The following NAALADL2 variants were observed in gnomAD, a reference collection of about 807,000 sequenced individuals.
NAALADL2 encodes N-acetylated alpha-linked acidic dipeptidase like 2.
In NAALADL2, 76 loss-of-function variants were observed where a neutral mutation model predicts 87.2. That is an observed-to-expected ratio of 0.87 (90% confidence interval 0.72 to 1.05). The LOEUF is 1.05. Ranked by LOEUF, NAALADL2 falls within the 50% of genes least tolerant of loss-of-function variation. The pLI is 0.00. For synonymous variants in NAALADL2, 354 were observed against 331.0 expected, an observed-to-expected ratio of 1.07 and a Z score of -0.75; for missense variants, 1,089 against 945.8, an observed-to-expected ratio of 1.15 and a Z score of -1.99.
chr3:175,712,533 T>A (rs1339881520), intron 11 of NAALADL2, among the ~76,000 whole-genome samples: 1 of 152,004 alleles, frequency 6.6e-6, no homozygotes, highest in Non-Finnish European at 1.5e-5. Context: ...GAAATCCTAG[T>A]AACTGTAATA....
In NAALADL2 at chr3:174,933,948, T is replaced by C. The variant is rs148578054; in HGVS notation, c.43+74498T>C. Among the ~76,000 whole-genome samples, 122 of 152,304 alleles carry C rather than the reference T, an allele frequency of 8.0e-4. 1 individual carries two copies. Among genetic ancestry groups the C allele is most frequent in the African/African-American group, 2.8e-3 (115 of 41,578 alleles). On this transcript the variant is annotated intron_variant, in intron 1 of 13. Transcript: ENST00000454872. ...ATTACACTTCTATGGTATGTGACTT[T>C]AGGCAGATTTCTTAACTGTTCTGAA...
rs577595300 is a variant in NAALADL2 at position 174,806,127 on chromosome 3, T to G, written c.-9+68381T>G. Among the ~76,000 whole-genome samples the G allele has an allele frequency of 3.3e-5, 5 of 152,330 alleles. 1 individual carries two copies. The East Asian group carries it at 9.7e-4, about 29-fold the overall frequency. On this transcript the variant is annotated intron_variant, in intron 3 of 3. Coordinates refer to the NAALADL2 transcript ENST00000434257. ...GGCCCTTTCTATATTATCACTAATCTTTTGTCCCTGGTTGGGCTTCTCCCA... is the reference window on the plus strand; with the variant it reads ...GGCCCTTTCTATATTATCACTAATCGTTTGTCCCTGGTTGGGCTTCTCCCA...
intron 13 of NAALADL2, among the ~76,000 whole-genome samples, chr3:175,795,409 C>T (rs1346359487): frequency 6.6e-6 from 1 of 151,942 alleles, no homozygotes; most frequent in African/African-American, 2.4e-5. Context: ...CGCGATGGCT[C>T]ATGCCTGTAA....
intron 11 of NAALADL2, among the ~76,000 whole-genome samples, chr3:175,689,633 TG>T (rs1736780532): frequency 6.6e-6 from 1 of 152,200 alleles, no homozygotes. Flanking sequence ...TAAATCCTAC[TG>T]CATCTTACGT....
intron 13 of NAALADL2, among the ~76,000 whole-genome samples, chr3:175,800,059 A>G (rs903415544): frequency 6.6e-6 from 1 of 152,154 alleles, no homozygotes; most frequent in Non-Finnish European, 1.5e-5. Context: ...CCCAGATTGC[A>G]TATTTCTCAT....
intron 3 of NAALADL2, among the ~76,000 whole-genome samples, chr3:175,253,600 T>C (rs1749428055): frequency 4.6e-5 from 7 of 152,162 alleles, no homozygotes; most frequent in Admixed American, 4.6e-4. Flanking sequence ...AATATATTTG[T>C]AAGATTGTAG....
chr3:175,423,305 G>A (rs1363199027), intron 5 of NAALADL2, among the ~76,000 whole-genome samples: 4 of 144,842 alleles, frequency 2.8e-5, no homozygotes, highest in Admixed American at 7.0e-5. Context: ...TAGGGTACAA[G>A]TGCACAACGT....
chr3:174,606,439 G>A (rs988813138), intron 2 of NAALADL2, among the ~76,000 whole-genome samples: 1 of 152,162 alleles, frequency 6.6e-6, no homozygotes, highest in African/African-American at 2.4e-5. Context: ...TTAGACGAAT[G>A]TATAACTAGA....
At chr3:175,693,073 G>T (rs1403047205) in intron 11 of NAALADL2, among the ~76,000 whole-genome samples, 1 of 152,284 alleles carries the variant, frequency 6.6e-6, no homozygotes, top group East Asian at 1.9e-4. Flanking sequence ...CAGAGTCCAG[G>T]AAATTTGGAA....
At chr3:175,011,932 G>T (rs1041504142) in intron 1 of NAALADL2, among the ~76,000 whole-genome samples, 1 of 152,070 alleles carries the variant, frequency 6.6e-6, no homozygotes, top group East Asian at 1.9e-4. Flanking sequence ...TGCAAAAACT[G>T]TAAAAAGCTA....
chr3:174,955,713 G>GTTCA (rs1285426089), intron 1 of NAALADL2, among the ~76,000 whole-genome samples: 1 of 152,032 alleles, frequency 6.6e-6, no homozygotes, highest in Non-Finnish European at 1.5e-5. Flanking sequence ...ATAGGTAATA[G>GTTCA]TTCATTTGTT....
At chr3:175,547,014 A>G (rs975346201) in intron 9 of NAALADL2, among the ~76,000 whole-genome samples, 1 of 152,162 alleles carries the variant, frequency 6.6e-6, no homozygotes, top group African/African-American at 2.4e-5. Flanking sequence ...TATGGATTCA[A>G]TGCCATGCCT....
chr3:175,308,624 T>C (rs958636938), intron 4 of NAALADL2, among the ~76,000 whole-genome samples: 1 of 152,208 alleles, frequency 6.6e-6, no homozygotes, highest in African/African-American at 2.4e-5. Flanking sequence ...CTTTAAATAA[T>C]ATCTAGGATT....
At chr3:175,383,330 G>A (rs1224300686) in intron 5 of NAALADL2, among the ~76,000 whole-genome samples, 3 of 151,810 alleles carry the variant, frequency 2.0e-5, no homozygotes, top group African/African-American at 7.2e-5. Flanking sequence ...TAACTATGGG[G>A]CACAATATGA....
chr3:175,324,037 AAAAAAAG>A (rs1386405111), intron 4 of NAALADL2, 131 bp from the exon 5 acceptor site: 78 of 645,710 alleles, frequency 1.2e-4, no homozygotes, highest in Middle Eastern at 4.6e-4. Context: ...ACAAAAAAAA[AAAAAAAG>A]AAAAAGAAAA....
At chr3:174,518,999 A>C (rs1396684936) in intron 1 of NAALADL2, among the ~76,000 whole-genome samples, 3 of 152,184 alleles carry the variant, frequency 2.0e-5, no homozygotes, top group Non-Finnish European at 2.9e-5. Context: ...ATTTGTTAGA[A>C]TATCTCTGAG....
chr3:174,954,201 T>C (rs1312352850), intron 1 of NAALADL2, among the ~76,000 whole-genome samples: 1 of 152,054 alleles, frequency 6.6e-6, no homozygotes, highest in Non-Finnish European at 1.5e-5. Context: ...CACTGGAGAA[T>C]TTTACTGAGC....
At chr3:174,879,937 C>G (rs1057120127) in intron 1 of NAALADL2, among the ~76,000 whole-genome samples, 1 of 152,100 alleles carries the variant, frequency 6.6e-6, no homozygotes, top group African/African-American at 2.4e-5. Flanking sequence ...TTGGTTACTT[C>G]ATCCTCCCTG....
intron 1 of NAALADL2, among the ~76,000 whole-genome samples, chr3:174,948,653 TA>T (rs1226589361): frequency 6.6e-6 from 1 of 152,094 alleles, no homozygotes; most frequent in Non-Finnish European, 1.5e-5. Context: ...CACAGAACAA[TA>T]AAGATGGCTT....
Sources: allele counts gnomAD v4.1 joint callset (sites outside exome capture counted in the v4.1 genomes callset), GRCh38; gene constraint gnomAD v4.1.1; transcripts MANE v1.5; gene names NCBI Gene and HGNC (gene_info 2026-07-23, HGNC 2026-07-21).